Variants in MEGF6 observed in about 807,000 individuals in gnomAD.
The protein encoded by MEGF6 is multiple EGF like domains 6.
A neutral mutation model predicts 207.1 loss-of-function variants in MEGF6; 184 were observed. The ratio of observed to expected loss-of-function variants is 0.89; its 90% confidence interval spans 0.79 to 1.00. The LOEUF is 1.00. MEGF6 is among the 50% of genes least tolerant of loss of function. The pLI is 0.00. For synonymous variants in MEGF6, 1,038 were observed against 910.0 expected (o/e 1.14, Z -2.53); for missense variants, 2,282 against 2,202.9 (o/e 1.04, Z -0.72).
chr1:3,603,486 G>A (rs1427195508), intron 1 of MEGF6, among the ~76,000 whole-genome samples: 1 of 152,122 alleles, frequency 6.6e-6, no homozygotes, highest in East Asian at 1.9e-4. Flanking sequence ...GGTGACGTCT[G>A]GGGGGCCTCA....
At chr1:3,544,374 C>A (rs768030663) in intron 4 of MEGF6, among the ~76,000 whole-genome samples, 2 of 152,180 alleles carry the variant, frequency 1.3e-5, no homozygotes, top group African/African-American at 2.4e-5. Flanking sequence ...CCCCCAGCAC[C>A]GTCTGCACCC....
intron 4 of MEGF6, among the ~76,000 whole-genome samples, chr1:3,570,573 C>A (rs1643466839): frequency 2.0e-5 from 3 of 152,160 alleles, no homozygotes; most frequent in African/African-American, 7.2e-5. Flanking sequence ...GGCCCAGGTG[C>A]CAGGTGCTCT....
intron 4 of MEGF6, among the ~76,000 whole-genome samples, chr1:3,557,891 G>A (rs1570132735): frequency 6.6e-6 from 1 of 152,216 alleles, no homozygotes; most frequent in African/African-American, 2.4e-5. Context: ...AGAGGGCTGG[G>A]TGTCTCCACA....
chr1:3,550,093 G>T (rs1385021011), intron 4 of MEGF6, among the ~76,000 whole-genome samples: 1 of 152,158 alleles, frequency 6.6e-6, no homozygotes, highest in Non-Finnish European at 1.5e-5. Context: ...TCCCCATCCC[G>T]GGAATTTTCT....
chr1:3,602,684 T>A, intron 1 of MEGF6, 84 bp from the exon 2 acceptor site: 1 of 1,513,316 alleles, frequency 6.6e-7, no homozygotes. Flanking sequence ...GCCTTGGGTG[T>A]CAGCTCATCT....
intron 3 of MEGF6, among the ~76,000 whole-genome samples, chr1:3,581,970 C>T (rs1643808214): frequency 6.8e-6 from 1 of 146,618 alleles, no homozygotes; most frequent in Non-Finnish European, 1.5e-5. Flanking sequence ...AAATCTGAAA[C>T]AAAGGGGAAA....
chr1:3,605,608 TCA>T (rs1183062396), intron 1 of MEGF6, among the ~76,000 whole-genome samples: 3 of 151,816 alleles, frequency 2.0e-5, no homozygotes, highest in East Asian at 1.9e-4. Flanking sequence ...ACACACACAA[TCA>T]CATACATACT....
At chr1:3,614,777 G>A (rs1644364414), upstream of MEGF6, among the ~76,000 whole-genome samples, 1 of 152,130 alleles carries the variant, frequency 6.6e-6, no homozygotes, top group African/African-American at 2.4e-5. Flanking sequence ...CATTTATTCT[G>A]CTGTCCGCCG....
Position 3,611,285 on chromosome 1 carries a change from T to C in MEGF6, c.-17A>G. On this transcript the variant is annotated 5_prime_UTR_variant, in exon 1 of 37. Transcript: ENST00000356575. ...GAACGACATCGTGCGCGCCGGTGCC[T>C]CCTCCGCTCTCCGGCTCACAGGCGG... 1 of 1,437,668 alleles carries C rather than the reference T, an allele frequency of 7.0e-7. No homozygotes were observed. Among genetic ancestry groups the C allele is most frequent in the Non-Finnish European group, 9.1e-7 (1 of 1,102,318 alleles). The allele number at this position is 1,437,668 out of a possible 1,614,324, so 89.1% of individuals were successfully genotyped here.
Position 3,594,483 on chromosome 1 carries a change from C to T in MEGF6, c.376+855G>A, listed in dbSNP as rs190348276. 1.4e-4 allele frequency among the ~76,000 whole-genome samples: 21 copies of T among 152,250 alleles called. No individual in the cohort carries two copies. In the East Asian group the frequency reaches 3.1e-3, roughly 22 times the overall value. On this transcript the variant is annotated intron_variant, in intron 3 of 36. Coordinates refer to ENST00000356575, the MANE Select transcript of MEGF6 (RefSeq NM_001409.4). The surrounding 1 kb of genome is among the most constrained non-coding windows in gnomAD (Gnocchi z 4.2). ...AAAAATGTGGGGAGTGCGTGACTCC[C>T]GGCCACACTCCACGGCGCAGCCTGT...
chr1:3,489,216 A>C lies in MEGF6; in HGVS notation c.*1312T>G, dbSNP rs115901190. ...GGTCCATTCATCAGCTTCCTCTGTG[A>C]CAGCTCCCTTGCTGTCTGTGAGCAA... On this transcript the variant is annotated 3_prime_UTR_variant, in exon 37 of 37. Coordinates refer to ENST00000356575, the MANE Select transcript of MEGF6 (RefSeq NM_001409.4). 0.011 allele frequency among the ~76,000 whole-genome samples: 1,613 copies of C among 152,286 alleles called. 37 individuals are homozygous for C. Among genetic ancestry groups the C allele is most frequent in the African/African-American group, 0.036 (1,506 of 41,550 alleles).
In MEGF6 at chr1:3,565,708, T is replaced by A. The variant is rs1418464850; in HGVS notation, c.481+14117A>T. On this transcript the variant is annotated intron_variant, in intron 4 of 36. Transcript: ENST00000356575. The surrounding 1 kb of genome is among the most constrained non-coding windows in gnomAD (Gnocchi z 4.8). ...CCTGTCCCAGGGGTTCAGGGGCCTGTGTGTGCCAAAGCCCACTGCAGTTTC... is the reference window on the plus strand; with the variant it reads ...CCTGTCCCAGGGGTTCAGGGGCCTGAGTGTGCCAAAGCCCACTGCAGTTTC... Among the ~76,000 whole-genome samples, 1 of 152,152 alleles carries A rather than the reference T, an allele frequency of 6.6e-6. No homozygotes were observed. Among genetic ancestry groups the A allele is most frequent in the Admixed American group, 6.5e-5 (1 of 15,286 alleles).
At chr1:3,595,271 T>G in intron 3 of MEGF6, 67 bp downstream of exon 3, 1 of 1,145,762 alleles carries the variant, frequency 8.7e-7, no homozygotes, top group South Asian at 1.3e-5. Context: ...CGGGGCAGAT[T>G]CATGGCTCTG....
intron 26 of MEGF6, 27 bp downstream of exon 26, chr1:3,498,344 A>AC: frequency 1.3e-6 from 2 of 1,582,280 alleles, no homozygotes; most frequent in Non-Finnish European, 1.7e-6. Flanking sequence ...GGGCCTGCAG[A>AC]CCCCCCTGCT....
At chr1:3,557,127 A>C (rs1431415951) in intron 4 of MEGF6, among the ~76,000 whole-genome samples, 1 of 152,128 alleles carries the variant, frequency 6.6e-6, no homozygotes, top group Admixed American at 6.5e-5. Context: ...TGAGCTCCCC[A>C]AAAGCTGGAA....
At chr1:3,582,303 C>T (rs1418625561) in intron 3 of MEGF6, among the ~76,000 whole-genome samples, 1 of 152,206 alleles carries the variant, frequency 6.6e-6, no homozygotes, top group South Asian at 2.1e-4. Context: ...GCGCACACAG[C>T]GAATCCTCCC....
chr1:3,595,561 G>A (rs1644050522), intron 2 of MEGF6, 114 bp from the exon 3 acceptor site: 2 of 849,024 alleles, frequency 2.4e-6, no homozygotes. Flanking sequence ...GGCGGCACAG[G>A]CTGCAGCACC....
intron 4 of MEGF6, among the ~76,000 whole-genome samples, chr1:3,577,478 G>A (rs759183366): frequency 1.3e-5 from 2 of 152,246 alleles, no homozygotes; most frequent in Non-Finnish European, 2.9e-5. Context: ...AGCAGCTGCT[G>A]GGTCTCCTCA....
intron 30 of MEGF6, among the ~76,000 whole-genome samples, chr1:3,495,517 G>A (rs1640561177): frequency 6.6e-6 from 1 of 152,228 alleles, no homozygotes; most frequent in Admixed American, 6.5e-5. Context: ...GAAAGGGCCA[G>A]AAGGACTCCA....
Sources: allele counts gnomAD v4.1 joint callset (sites outside exome capture counted in the v4.1 genomes callset), GRCh38; gene constraint gnomAD v4.1.1; non-coding constraint Gnocchi (gnomAD v3.1); transcripts MANE v1.5; gene names NCBI Gene and HGNC (gene_info 2026-07-23, HGNC 2026-07-21).